PADI1: variants seen among roughly 807,000 people sequenced by gnomAD.
The protein encoded by PADI1 is protein-arginine deiminase type-1.
In PADI1, 65 loss-of-function variants were observed where a neutral mutation model predicts 74.8. That is an observed-to-expected ratio of 0.87 (90% CI 0.71 to 1.07). The LOEUF (loss-of-function observed/expected upper bound fraction) is 1.07. PADI1 is among the 50% of genes least tolerant of loss of function. The pLI, the probability that PADI1 is intolerant of heterozygous loss-of-function variation, is 0.00. For synonymous variants in PADI1, 371 were observed against 336.2 expected, an observed-to-expected ratio of 1.10 and a Z score of -1.13; for missense variants, 943 against 854.0, an observed-to-expected ratio of 1.10 and a Z score of -1.30.
chr1:17,218,852 A>AC (rs920267971), intron 1 of PADI1, among the ~76,000 whole-genome samples: 9 of 152,040 alleles, frequency 5.9e-5, no homozygotes, highest in African/African-American at 1.9e-4. Flanking sequence ...CAGACAGCAC[A>AC]CCCCTCTTCC....
At chr1:17,235,251 G>T (rs112258535) in intron 11 of PADI1, among the ~76,000 whole-genome samples, 3 of 118,998 alleles carry the variant, frequency 2.5e-5, no homozygotes, top group African/African-American at 1.0e-4. Flanking sequence ...GGGAGAGTGG[G>T]AGGGAGGAAG....
Position 17,244,042 on chromosome 1 carries a change from C to T in PADI1, c.1791C>T (p.Gly597=). 1 of 1,614,116 alleles carries T rather than the reference C, an allele frequency of 6.2e-7. No homozygotes were observed. Among genetic ancestry groups the T allele is most frequent in the Non-Finnish European group, 8.5e-7 (1 of 1,179,966 alleles). Residue 597 remains glycine (G), a synonymous_variant, in exon 16 of 16, where the codon GGC becomes GGT. Transcript: ENST00000375471. The part of the protein sequence containing the change: ...VNMVVLGKYL[G]IPKPYGPIIN... ...TGGTGGTCTTAGGCAAGTACCTGGG[C>T]ATCCCCAAGCCCTACGGGCCCATCA...
chr1:17,233,992 T>C (rs1375102308), intron 11 of PADI1, among the ~76,000 whole-genome samples: 1 of 152,240 alleles, frequency 6.6e-6, no homozygotes, highest in Non-Finnish European at 1.5e-5. Flanking sequence ...TGGGCTGTTC[T>C]ACCCACACCC....
chr1:17,235,285 AGGAAGGAG>A (rs2072611189), intron 11 of PADI1, among the ~76,000 whole-genome samples: 8 of 141,542 alleles, frequency 5.7e-5, no homozygotes, highest in African/African-American at 2.0e-4. Flanking sequence ...GAAGGAAGGA[AGGAAGGAG>A]GGAAGGAAGG....
At chr1:17,224,255 C>A in intron 3 of PADI1, 112 bp from the exon 4 acceptor site, 1 of 859,588 alleles carries the variant, frequency 1.2e-6, no homozygotes, top group Non-Finnish European at 1.9e-6. Flanking sequence ...CCAGACAGGG[C>A]TTCCAGTCCT....
chr1:17,241,540 G>A (rs570340954), intron 15 of PADI1, among the ~76,000 whole-genome samples: 24 of 124,410 alleles, frequency 1.9e-4, no homozygotes, highest in African/African-American at 8.1e-4. Context: ...GGAAGTGAAT[G>A]TCAGAATCGG....
intron 13 of PADI1, among the ~76,000 whole-genome samples, chr1:17,239,214 C>T (rs931991224): frequency 2.6e-5 from 4 of 152,136 alleles, no homozygotes; most frequent in African/African-American, 4.8e-5. Context: ...CTGGGGAATA[C>T]CTGGGGAATA....
intron 1 of PADI1, among the ~76,000 whole-genome samples, chr1:17,220,150 C>T (rs1272627605): frequency 2.7e-5 from 2 of 74,054 alleles, no homozygotes; most frequent in Non-Finnish European, 5.1e-5. Flanking sequence ...GTGGGTCTTG[C>T]CAGCAGCCTG....
intron 1 of PADI1, among the ~76,000 whole-genome samples, chr1:17,220,808 G>A (rs555024318): frequency 1.2e-3 from 188 of 152,336 alleles, no homozygotes; most frequent in African/African-American, 4.5e-3. Flanking sequence ...GGCACAGAGA[G>A]GCCATAGTTC....
At chr1:17,216,713 A>C (rs1294661539) in intron 1 of PADI1, among the ~76,000 whole-genome samples, 1 of 152,200 alleles carries the variant, frequency 6.6e-6, no homozygotes, top group Admixed American at 6.5e-5. Flanking sequence ...TCTACTAAAA[A>C]TACAAAAATT....
At chr1:17,229,949 A>G (rs2072439496) in intron 8 of PADI1, 136 bp from the exon 9 acceptor site, 4 of 752,922 alleles carry the variant, frequency 5.3e-6, no homozygotes, top group African/African-American at 3.5e-5. Context: ...CCATGCGCCT[A>G]TGAGCCTCTC....
chr1:17,238,505 G>T, intron 12 of PADI1, 111 bp from the exon 13 acceptor site: 1 of 454,096 alleles, frequency 2.2e-6, no homozygotes, highest in Non-Finnish European at 3.9e-6. Flanking sequence ...TAGACCGAGT[G>T]GGAGAGGGGA....
chr1:17,224,359 CTT>C lies in PADI1; in HGVS notation c.347-6_347-5del. 3 of 1,613,274 alleles carry C rather than the reference CTT, an allele frequency of 1.9e-6. No homozygotes were observed. The highest frequency in any genetic ancestry group is 2.5e-6 in the Non-Finnish European group (3 of 1,179,478). On this transcript the variant is annotated splice_region_variant and splice_polypyrimidine_tract_variant and intron_variant, in intron 3 of 15. Coordinates refer to ENST00000375471, the MANE Select transcript of PADI1 (RefSeq NM_013358.3). ...AGCCCCTGGCAGCCCCTCTCCATCT[CTT>C]TGCAGATATTTCCCTTGAGGTTGAC...
At chr1:17,212,849 C>A (rs1353001280) in intron 1 of PADI1, among the ~76,000 whole-genome samples, 1 of 152,154 alleles carries the variant, frequency 6.6e-6, no homozygotes, top group Non-Finnish European at 1.5e-5. Flanking sequence ...GGCACCACCC[C>A]CCTCGCCTTG....
chr1:17,206,786 A>G, intron 1 of PADI1, among the ~76,000 whole-genome samples: 1 of 146,696 alleles, frequency 6.8e-6, no homozygotes, highest in East Asian at 2.0e-4. Context: ...TCCCGGGTTC[A>G]ATTCTCTGCC....
At chr1:17,212,378 C>T (rs1446305535) in intron 1 of PADI1, among the ~76,000 whole-genome samples, 7 of 151,854 alleles carry the variant, frequency 4.6e-5, no homozygotes, top group Non-Finnish European at 8.8e-5. Flanking sequence ...CCCCTCCTGC[C>T]CCCACCACTC....
intron 1 of PADI1, among the ~76,000 whole-genome samples, chr1:17,216,745 C>T (rs2071988100): frequency 6.6e-6 from 1 of 152,090 alleles, no homozygotes; most frequent in South Asian, 2.1e-4. Flanking sequence ...TGGTGAGCTC[C>T]TGTAATCCCA....
At chr1:17,210,736 C>A (rs1350029538) in intron 1 of PADI1, among the ~76,000 whole-genome samples, 2 of 152,186 alleles carry the variant, frequency 1.3e-5, no homozygotes, top group Non-Finnish European at 2.9e-5. Flanking sequence ...GGGACATCAG[C>A]CATTGCCCTC....
rs755183719 is a variant in PADI1 at position 17,205,307 on chromosome 1, C to T, written c.90C>T (p.His30=). 1 of 1,612,994 alleles carries T rather than the reference C, an allele frequency of 6.2e-7. No individual in the cohort carries two copies. Among genetic ancestry groups the T allele is most frequent in the Non-Finnish European group, 8.5e-7 (1 of 1,179,172 alleles). The part of the protein sequence containing the change: ...VVGVEAHVDI[H]SDVPKGANSF... ...GAGTCGAGGCACATGTGGACATTCA[C>T]AGGTAAGAGCTGGGAGGCGCTCTCC... The change falls in exon 1 of 16, where the codon CAC becomes CAT. Residue 30 remains histidine (H), a splice_region_variant and synonymous_variant. Coordinates refer to ENST00000375471, the MANE Select transcript of PADI1 (RefSeq NM_013358.3).
Sources: allele counts gnomAD v4.1 joint callset (sites outside exome capture counted in the v4.1 genomes callset), GRCh38; gene constraint gnomAD v4.1.1; transcripts MANE v1.5; gene names NCBI Gene and HGNC (gene_info 2026-07-23, HGNC 2026-07-21).